TTC28: variants seen among roughly 807,000 people sequenced by gnomAD.
TTC28 encodes tetratricopeptide repeat domain 28, also known as tetratricopeptide repeat protein 28.
TTC28 carries 61 observed loss-of-function variants against 198.0 expected under a neutral mutation model. The observed-to-expected ratio is 0.31, with a 90% CI of 0.25 to 0.38. TTC28 has a LOEUF of 0.38. Ranked by LOEUF, TTC28 falls within the 10% of genes least tolerant of loss-of-function variation. The pLI is 1.00. For missense variants in TTC28, 2,678 were observed against 3,164.0 expected (o/e 0.85, Z 3.69); for synonymous variants, 1,171 against 1,297.8 (o/e 0.90, Z 2.10).
chr22:28,196,523 T>C (rs907493902), intron 5 of TTC28, among the ~76,000 whole-genome samples: 1 of 151,978 alleles, frequency 6.6e-6, no homozygotes, highest in African/African-American at 2.4e-5. Context: ...GGGAGAAAAT[T>C]TTTGCAATCT....
At chr22:28,562,554 T>G (rs2049902207) in intron 2 of TTC28, among the ~76,000 whole-genome samples, 1 of 152,082 alleles carries the variant, frequency 6.6e-6, no homozygotes, top group East Asian at 1.9e-4. Flanking sequence ...TAAACAAGAA[T>G]GAGCATGTAC....
intron 2 of TTC28, among the ~76,000 whole-genome samples, chr22:28,395,524 C>A (rs1226188965): frequency 6.7e-6 from 1 of 150,304 alleles, no homozygotes; most frequent in African/African-American, 2.5e-5. Context: ...CCCAGCTACT[C>A]GGGAGGCTGA....
chr22:28,082,218 T>C (rs1941393054), intron 12 of TTC28, among the ~76,000 whole-genome samples: 1 of 152,234 alleles, frequency 6.6e-6, no homozygotes, highest in Non-Finnish European at 1.5e-5. Context: ...ATTTCACTCT[T>C]CCCTTTTCAA....
chr22:28,225,917 A>G (rs1928306799), intron 5 of TTC28, among the ~76,000 whole-genome samples: 1 of 152,142 alleles, frequency 6.6e-6, no homozygotes, highest in Non-Finnish European at 1.5e-5. Flanking sequence ...GGCTTCTTTC[A>G]CTCAACATAA....
At chr22:28,515,357 C>A (rs1258037560) in intron 2 of TTC28, among the ~76,000 whole-genome samples, 3 of 152,006 alleles carry the variant, frequency 2.0e-5, no homozygotes, top group African/African-American at 7.2e-5. Flanking sequence ...TTTTTTAAAG[C>A]AGTGAAAAAT....
rs62237615 is a variant in TTC28, at chr22:28,343,127, T to G, written c.382-36484A>C. Among the ~76,000 whole-genome samples the G allele has an allele frequency of 5.9e-3, 903 of 152,290 alleles. 4 individuals are homozygous for G. The highest frequency in any genetic ancestry group is 8.0e-3 in the Non-Finnish European group (544 of 68,022). ...TATTGATTTACCTAATATTAAGAAG[T>G]ATCTCCAAAATGTATAATCCATGAA... On this transcript the variant is annotated intron_variant, in intron 2 of 22. Coordinates refer to ENST00000397906, the MANE Select transcript of TTC28 (RefSeq NM_001145418.2).
chr22:28,400,661 A>G (rs2046892793), intron 2 of TTC28, among the ~76,000 whole-genome samples: 1 of 152,230 alleles, frequency 6.6e-6, no homozygotes, highest in Non-Finnish European at 1.5e-5. Context: ...CCTTTTCCCA[A>G]TCTGGAAGAA....
At chr22:28,246,686 C>T (rs925338581) in intron 5 of TTC28, among the ~76,000 whole-genome samples, 8 of 152,056 alleles carry the variant, frequency 5.3e-5, no homozygotes, top group African/African-American at 1.4e-4. Flanking sequence ...TGAGGATCAA[C>T]GGGGCTAAGT....
At chr22:28,247,699 C>CTT (rs1003608677) in intron 5 of TTC28, among the ~76,000 whole-genome samples, 3 of 152,158 alleles carry the variant, frequency 2.0e-5, no homozygotes, top group African/African-American at 7.2e-5. Flanking sequence ...AATGAGAATA[C>CTT]TTTACCTTGA....
chr22:28,636,127 ATTTTTT>A (rs71316851), intron 1 of TTC28, among the ~76,000 whole-genome samples: 9 of 65,736 alleles, frequency 1.4e-4, no homozygotes, highest in African/African-American at 3.2e-4. Context: ...AAATGTCAGG[ATTTTTT>A]TTTTTTTTTT....
intron 2 of TTC28, among the ~76,000 whole-genome samples, chr22:28,596,261 G>A (rs1444019419): frequency 6.6e-6 from 1 of 152,116 alleles, no homozygotes; most frequent in African/African-American, 2.4e-5. Context: ...AAATATTAAA[G>A]GAATGGGGGG....
intron 5 of TTC28, among the ~76,000 whole-genome samples, chr22:28,268,011 T>C (rs1398203544): frequency 6.6e-6 from 1 of 152,192 alleles, no homozygotes; most frequent in Non-Finnish European, 1.5e-5. Context: ...CAACGCCTAG[T>C]GTGCCATCAA....
chr22:28,032,237 T>TATATATATATAAAATATATATATAAA (rs1253175849), intron 12 of TTC28, among the ~76,000 whole-genome samples: 1 of 108,672 alleles, frequency 9.2e-6, no homozygotes, highest in African/African-American at 3.8e-5. Flanking sequence ...ATATATAAAA[T>TATATATATATAAAATATATATATAAA]ATATATATAT....
intron 12 of TTC28, among the ~76,000 whole-genome samples, chr22:28,039,747 C>G (rs1286706696): frequency 6.6e-6 from 1 of 151,882 alleles, no homozygotes; most frequent in Non-Finnish European, 1.5e-5. Flanking sequence ...CAGAGCAGAA[C>G]TGAAGGAGAC....
intron 5 of TTC28, among the ~76,000 whole-genome samples, chr22:28,196,553 A>G (rs1253059180): frequency 6.6e-6 from 1 of 152,172 alleles, no homozygotes; most frequent in African/African-American, 2.4e-5. Flanking sequence ...ACAAAGGGCT[A>G]ATATCCAGAA....
At chr22:28,504,777 T>C (rs1601481112) in intron 2 of TTC28, among the ~76,000 whole-genome samples, 1 of 152,198 alleles carries the variant, frequency 6.6e-6, no homozygotes, top group Non-Finnish European at 1.5e-5. Flanking sequence ...CTTGATATAA[T>C]GTCAGTAATT....
chr22:28,572,975 C>T (rs2050086517), intron 2 of TTC28, among the ~76,000 whole-genome samples: 1 of 151,786 alleles, frequency 6.6e-6, no homozygotes, highest in African/African-American at 2.4e-5. Context: ...ACAGGGAGAC[C>T]CTATGTCTAC....
intron 20 of TTC28, among the ~76,000 whole-genome samples, chr22:27,990,507 G>A (rs941401405): frequency 2.6e-5 from 4 of 152,228 alleles, no homozygotes; most frequent in African/African-American, 9.6e-5. Flanking sequence ...TGGGTTCACA[G>A]AGTGACACTC....
intron 2 of TTC28, among the ~76,000 whole-genome samples, chr22:28,310,579 T>C (rs963495895): frequency 6.6e-6 from 1 of 152,032 alleles, no homozygotes; most frequent in African/African-American, 2.4e-5. Context: ...TATTCTACTC[T>C]CCCTTGGCCT....
Sources: allele counts gnomAD v4.1 joint callset (sites outside exome capture counted in the v4.1 genomes callset), GRCh38; gene constraint gnomAD v4.1.1; transcripts MANE v1.5; gene names NCBI Gene and HGNC (gene_info 2026-07-23, HGNC 2026-07-21).